ZNF469: variants seen among roughly 807,000 people sequenced by gnomAD.
ZNF469 encodes the protein zinc finger protein 469.
ZNF469 carries 1 observed loss-of-function variant against 1.0 expected under a neutral mutation model. The ratio of observed to expected loss-of-function variants is 1.00; its 90% CI spans 0.35 to 4.73. ZNF469 has a LOEUF of 4.73. Ranked by LOEUF, ZNF469 falls within the 30% of genes most tolerant of loss-of-function variation. ZNF469 has a pLI of 0.16. For synonymous variants in ZNF469, 2,703 were observed against 2,363.4 expected, an observed-to-expected ratio of 1.14 and a Z score of -4.17; for missense variants, 6,100 against 5,356.3, an observed-to-expected ratio of 1.14 and a Z score of -4.33.
the ZNF469 span, among the ~76,000 whole-genome samples, chr16:88,288,653 G>T: frequency 6.6e-6 from 1 of 152,132 alleles, no homozygotes. Flanking sequence ...GGAGCTAGAC[G>T]GGACCCCTGA....
the ZNF469 span, among the ~76,000 whole-genome samples, chr16:88,219,829 G>T: frequency 6.6e-6 from 1 of 152,148 alleles, no homozygotes. Context: ...TCTCCACCAA[G>T]AGCTCAGCTC....
intron 1 of ZNF469, among the ~76,000 whole-genome samples, chr16:88,400,748 C>G (rs1357333703): frequency 1.3e-5 from 2 of 152,062 alleles, no homozygotes; most frequent in Non-Finnish European, 2.9e-5. Flanking sequence ...TGTGGGTCCG[C>G]AAACAGTCTA....
chr16:88,194,381 C>T, the ZNF469 span: 2 of 152,252 alleles, frequency 1.3e-5, no homozygotes, highest in African/African-American at 2.4e-5. Flanking sequence ...ACAAGCCACT[C>T]ACTTCCCACT....
intron 1 of ZNF469, among the ~76,000 whole-genome samples, chr16:88,387,487 G>A (rs114447961): frequency 1.2e-3 from 185 of 152,292 alleles, no homozygotes; most frequent in African/African-American, 4.4e-3. Context: ...TGCTGGTCCC[G>A]AGTCCGGAGG....
the ZNF469 span, among the ~76,000 whole-genome samples, chr16:88,168,400 G>A: frequency 1.3e-5 from 2 of 152,148 alleles, no homozygotes; most frequent in Admixed American, 6.5e-5. This position sits in a 1 kb window ranked among gnomAD's most constrained non-coding sequence, Gnocchi z 4.3. Context: ...TGGGAATTCC[G>A]TGGCCTCCCT....
chr16:88,336,361 C>T, the ZNF469 span, among the ~76,000 whole-genome samples: 1 of 151,410 alleles, frequency 6.6e-6, no homozygotes, highest in Non-Finnish European at 1.5e-5. Context: ...GTTCATCCTT[C>T]ACGTGAGACA....
At chr16:88,347,575 G>T in the ZNF469 span, among the ~76,000 whole-genome samples, 1 of 152,084 alleles carries the variant, frequency 6.6e-6, no homozygotes, top group Non-Finnish European at 1.5e-5. Context: ...ATAAACTCCC[G>T]TTTTAACCAC....
chr16:88,373,061 C>A, the ZNF469 span, among the ~76,000 whole-genome samples: 1 of 152,236 alleles, frequency 6.6e-6, no homozygotes, highest in Non-Finnish European at 1.5e-5. Context: ...CTGACAGAAT[C>A]CCCTGGCTTG....
chr16:88,296,275 C>A, the ZNF469 span, among the ~76,000 whole-genome samples: 1 of 152,208 alleles, frequency 6.6e-6, no homozygotes, highest in African/African-American at 2.4e-5. Flanking sequence ...GCTTCTGTCC[C>A]CACTGGGGAT....
intron 1 of ZNF469, among the ~76,000 whole-genome samples, chr16:88,387,561 G>A (rs1449138236): frequency 6.6e-6 from 1 of 152,242 alleles, no homozygotes; most frequent in Non-Finnish European, 1.5e-5. Flanking sequence ...GGCGTCAAAC[G>A]GTAGACTTCC....
rs1252062670 is a variant in ZNF469 at position 88,433,529 on chromosome 16, C to G, written c.6059C>G (p.Ala2020Gly). The change falls in exon 3 of 3, where the codon GCC becomes GGC. Residue 2020 changes from alanine to glycine, a missense_variant. Ala to Gly is a moderately conservative substitution (Grantham distance 60, BLOSUM62 0). Coordinates refer to ENST00000565624, the MANE Select transcript of ZNF469 (RefSeq NM_001367624.2). ...GGTDNHASVN[A>G]SPKTALTGPT... ...ACGGACAACCACGCCTCAGTCAATG[C>G]CAGTCCCAAAACAGCGCTGACCGGC... 1.3e-6 allele frequency: 2 copies of G among 1,550,282 alleles called. No homozygotes were observed. Among genetic ancestry groups the G allele is most frequent in the Middle Eastern group, 1.7e-4 (1 of 6,012 alleles).
At chr16:88,325,222 T>G in the ZNF469 span, among the ~76,000 whole-genome samples, 3 of 121,964 alleles carry the variant, frequency 2.5e-5, no homozygotes, top group Admixed American at 8.1e-5. Flanking sequence ...AGCTGTGACA[T>G]ACACAGGGCC....
Position 88,430,356 on chromosome 16 carries a change from C to G in ZNF469, c.2886C>G (p.Gly962=), listed in dbSNP as rs1443982209. The G allele has an allele frequency of 1.3e-6, 2 of 1,512,106 alleles. No homozygotes were observed. The highest frequency in any genetic ancestry group is 4.9e-5 in the East Asian group (2 of 40,602). The allele number at this position is 1,512,106 out of a possible 1,614,324, so 93.7% of individuals were successfully genotyped here. Residue 962 remains glycine, a synonymous_variant, in exon 3 of 3, where the codon GGC becomes GGG. Coordinates refer to ENST00000565624, the MANE Select transcript of ZNF469 (RefSeq NM_001367624.2). ...KLFRKDLDSG[G]AAEGSGSGGG... ...TCCGGAAGGATCTGGACTCGGGCGGCGCAGCAGAGGGGTCGGGGTCGGGCG... is the reference window on the plus strand; with the variant it reads ...TCCGGAAGGATCTGGACTCGGGCGGGGCAGCAGAGGGGTCGGGGTCGGGCG...
the ZNF469 span, among the ~76,000 whole-genome samples, chr16:88,131,206 G>A: frequency 2.6e-5 from 4 of 152,348 alleles, no homozygotes; most frequent in East Asian, 3.9e-4. Flanking sequence ...CGAGTAAGGC[G>A]CAGAATCACA....
Position 88,432,886 on chromosome 16 carries a change from G to C in ZNF469, c.5416G>C (p.Asp1806His). 6.5e-7 allele frequency: 1 copy of C among 1,550,342 alleles called. No individual in the cohort carries two copies. The highest frequency in any genetic ancestry group is 1.4e-5 in the African/African-American group (1 of 73,140). Residue 1806 changes from aspartate to histidine, a missense_variant, in exon 3 of 3, where the codon GAC becomes CAC. Asp to His is a moderately conservative substitution (Grantham distance 81). Coordinates refer to ENST00000565624, the MANE Select transcript of ZNF469 (RefSeq NM_001367624.2). ...FGSPAVHLAP[D>H]LAFQGDGAPP... ...CAGCCCTGCTGTCCATCTGGCCCCT[G>C]ACTTGGCATTTCAGGGTGACGGGGC...
At chr16:88,128,646 C>T in the ZNF469 span, among the ~76,000 whole-genome samples, 2 of 152,252 alleles carry the variant, frequency 1.3e-5, no homozygotes, top group Non-Finnish European at 2.9e-5. Flanking sequence ...TCTCCCCCGA[C>T]CCAGGTCTCC....
At chr16:88,232,299 T>C in the ZNF469 span, among the ~76,000 whole-genome samples, 1 of 152,120 alleles carries the variant, frequency 6.6e-6, no homozygotes, top group Non-Finnish European at 1.5e-5. Flanking sequence ...TACCTGGATG[T>C]TTAGAACACA....
Position 88,439,161 on chromosome 16 carries a change from G to A in ZNF469, c.11691G>A (p.Gln3897=), listed in dbSNP as rs1322051909. 9.0e-6 allele frequency: 14 copies of A among 1,550,446 alleles called. No individual in the cohort carries two copies. Among genetic ancestry groups the A allele is most frequent in the Admixed American group, 7.8e-5 (4 of 50,996 alleles). The change falls in exon 3 of 3, where the codon CAG becomes CAA. Residue 3897 remains glutamine (Q), a synonymous_variant. Coordinates refer to ENST00000565624, the MANE Select transcript of ZNF469 (RefSeq NM_001367624.2). ...ACAGACTGGGCAAGGCCTTCCCCCA[G>A]GGGAGACCCCTGCTCAGGCCCCCCA... The part of the protein sequence containing the change: ...RKDRLGKAFP[Q]GRPLLRPPKR...
At chr16:88,127,626 G>A in the ZNF469 span, among the ~76,000 whole-genome samples, 4 of 152,204 alleles carry the variant, frequency 2.6e-5, no homozygotes, top group South Asian at 2.1e-4. Context: ...GATGAGCGTC[G>A]TCAGTGCTGG....
Sources: gnomAD v4.1 joint callset for allele counts (sites outside exome capture counted in the v4.1 genomes callset) on GRCh38, gnomAD v4.1.1 for gene constraint, Gnocchi (gnomAD v3.1) non-coding constraint, MANE v1.5 for transcripts, NCBI Gene and HGNC (gene_info 2026-07-23, HGNC 2026-07-21) for gene names.